SNRPN: variants seen among roughly 807,000 people sequenced by gnomAD.
SNRPN encodes small nuclear ribonucleoprotein-associated protein N.
A neutral mutation model predicts 25.2 loss-of-function variants in SNRPN; 7 were observed. The observed-to-expected ratio is 0.28, with a 90% CI of 0.16 to 0.52. SNRPN has a LOEUF of 0.52. Ranked by LOEUF, SNRPN falls within the 20% of genes least tolerant of loss-of-function variation. The probability of loss-of-function intolerance (pLI) is 0.96; values close to 1 mark genes in which losing one functional copy is unlikely to be tolerated. For synonymous variants in SNRPN, 124 were observed against 110.6 expected (o/e 1.12, Z -0.76); for missense variants, 196 against 322.5 (o/e 0.61, Z 3.00).
At chr15:24,896,807 G>T (rs1300628545) in intron 2 of SNRPN, among the ~76,000 whole-genome samples, 1 of 152,162 alleles carries the variant, frequency 6.6e-6, no homozygotes, top group Non-Finnish European at 1.5e-5. Context: ...AAGCTGCCAT[G>T]AATTCTATAG....
chr15:24,856,260 T>C (rs1028620911), upstream of SNRPN, among the ~76,000 whole-genome samples: 6 of 152,212 alleles, frequency 3.9e-5, no homozygotes, highest in Non-Finnish European at 7.3e-5. Flanking sequence ...TAGAACTCAC[T>C]ATTACTGATG....
At chr15:24,855,529 C>T (rs1327629330), upstream of SNRPN, among the ~76,000 whole-genome samples, 1 of 152,064 alleles carries the variant, frequency 6.6e-6, no homozygotes, top group East Asian at 1.9e-4. Context: ...GTGGCTCATG[C>T]CTGTAATACC....
intron 1 of SNRPN, among the ~76,000 whole-genome samples, chr15:24,868,801 A>G (rs534976538): frequency 3.3e-4 from 51 of 152,304 alleles, no homozygotes; most frequent in Middle Eastern, 3.4e-3. Flanking sequence ...AGACACATGT[A>G]TGTGGGTGTT....
intron 2 of SNRPN, among the ~76,000 whole-genome samples, chr15:24,898,313 G>A (rs901051974): frequency 6.6e-6 from 1 of 152,232 alleles, no homozygotes; most frequent in African/African-American, 2.4e-5. Flanking sequence ...TATTGAGCTA[G>A]GCGTGGTGGC....
intron 1 of SNRPN, among the ~76,000 whole-genome samples, chr15:24,857,549 A>G (rs2053524502): frequency 6.6e-6 from 1 of 150,476 alleles, no homozygotes; most frequent in Non-Finnish European, 1.5e-5. Context: ...GTTATTAGTT[A>G]GCATTTTTTA....
At chr15:24,976,602 C>G (rs2077087455) in intron 6 of SNRPN, among the ~76,000 whole-genome samples, 186 bp downstream of exon 6, 1 of 152,136 alleles carries the variant, frequency 6.6e-6, no homozygotes, top group Admixed American at 6.5e-5. Flanking sequence ...GTGAATTATT[C>G]TATGTGCTGG....
rs1302728591 is a variant in SNRPN at position 24,947,935 on chromosome 15, TTTTTA to T, written c.-390-14165_-390-14161del. Among the ~76,000 whole-genome samples, 9 of 151,974 alleles carry T rather than the reference TTTTTA, an allele frequency of 5.9e-5. No individual in the cohort carries two copies. In the East Asian group the frequency reaches 1.5e-3, roughly 26 times the overall value. On this transcript the variant is annotated intron_variant, in intron 3 of 11. Transcript: ENST00000400097. ...TTTTATATTGATACCTCCCATTCTT[TTTTTA>T]TTTTATTTTATTTATTATTATTATA...
chr15:24,966,747 A>G (rs1340483500), intron 2 of SNRPN, among the ~76,000 whole-genome samples: 1 of 152,154 alleles, frequency 6.6e-6, no homozygotes, highest in Non-Finnish European at 1.5e-5. Context: ...TATTATACAG[A>G]AGCAATTTTA....
intron 1 of SNRPN, among the ~76,000 whole-genome samples, chr15:24,871,108 C>T (rs35150606): frequency 0.25 from 37,945 of 151,818 alleles, 5,125 homozygotes; most frequent in Middle Eastern, 0.36. Context: ...GTCTCAAATA[C>T]CTGACCTCAG....
At chr15:24,883,224 A>C (rs2056896538) in intron 1 of SNRPN, among the ~76,000 whole-genome samples, 1 of 152,250 alleles carries the variant, frequency 6.6e-6, no homozygotes, top group African/African-American at 2.4e-5. Context: ...GCAGCCAAGT[A>C]AGCAGGGAGG....
chr15:24,881,226 A>C (rs1032677412), intron 1 of SNRPN, among the ~76,000 whole-genome samples: 3 of 152,020 alleles, frequency 2.0e-5, no homozygotes, highest in Non-Finnish European at 4.4e-5. Context: ...GTGTGGTTTA[A>C]AAAGTCACAG....
intron 1 of SNRPN, among the ~76,000 whole-genome samples, chr15:24,955,754 G>GGC: frequency 6.6e-6 from 1 of 151,278 alleles, no homozygotes; most frequent in African/African-American, 2.4e-5. Context: ...GGAAGGCGGC[G>GGC]ACAGTGGGTA....
intron 1 of SNRPN, among the ~76,000 whole-genome samples, chr15:24,828,181 A>T (rs1288513334): frequency 6.6e-6 from 1 of 152,156 alleles, no homozygotes; most frequent in Non-Finnish European, 1.5e-5. Context: ...TCTAAACAAG[A>T]TTTTAATCCA....
At chr15:24,826,367 A>G (rs1423029180) in intron 1 of SNRPN, among the ~76,000 whole-genome samples, 1 of 152,102 alleles carries the variant, frequency 6.6e-6, no homozygotes, top group Non-Finnish European at 1.5e-5. Context: ...TCTTGAAGCA[A>G]TAACATGAGG....
chr15:24,955,824 AGGCATGGCGGCGGTGGGCAT>A (rs2062758844), intron 1 of SNRPN, among the ~76,000 whole-genome samples: 2 of 149,434 alleles, frequency 1.3e-5, no homozygotes, highest in Admixed American at 6.7e-5. Flanking sequence ...TGGCGGCGGT[AGGCATGGCGGCGGTGGGCAT>A]GGCATGGAGG....
At chr15:24,837,160 A>G (rs1156334208) in intron 2 of SNRPN, among the ~76,000 whole-genome samples, 1 of 152,010 alleles carries the variant, frequency 6.6e-6, no homozygotes, top group Non-Finnish European at 1.5e-5. Context: ...AAGGAAGCAA[A>G]GGACTACCGA....
At chr15:24,921,560 T>A (rs1022743587) in intron 3 of SNRPN, among the ~76,000 whole-genome samples, 3 of 152,110 alleles carry the variant, frequency 2.0e-5, no homozygotes, top group African/African-American at 7.2e-5. Flanking sequence ...CTCCTGTGGT[T>A]AAAGGGCTCC....
At chr15:24,878,167 A>G (rs1377907396) in intron 1 of SNRPN, among the ~76,000 whole-genome samples, 1 of 152,224 alleles carries the variant, frequency 6.6e-6, no homozygotes, top group Non-Finnish European at 1.5e-5. Context: ...AAGCCTTGTT[A>G]AGTTATTCTT....
chr15:24,951,455 T>C (rs2062265272), upstream of SNRPN, among the ~76,000 whole-genome samples: 1 of 152,202 alleles, frequency 6.6e-6, no homozygotes, highest in African/African-American at 2.4e-5. Context: ...AAGAACTATT[T>C]TAATCCTTTG....
Sources: gnomAD v4.1 joint callset for allele counts (sites outside exome capture counted in the v4.1 genomes callset) on GRCh38, gnomAD v4.1.1 for gene constraint, MANE v1.5 for transcripts, NCBI Gene and HGNC (gene_info 2026-07-23, HGNC 2026-07-21) for gene names.